The following RBFOX1 variants were observed in gnomAD, a reference collection of about 807,000 sequenced individuals.
The protein encoded by RBFOX1 is RNA binding fox-1 homolog 1.
In RBFOX1, 8 loss-of-function variants were observed where a neutral mutation model predicts 57.7. The ratio of observed to expected loss-of-function variants is 0.14; its 90% CI spans 0.08 to 0.25. RBFOX1 has a LOEUF of 0.25. Among genes scored for constraint, RBFOX1 ranks in the 10% least tolerant of loss-of-function variants. The pLI is 1.00. For missense variants in RBFOX1, 611 were observed against 548.5 expected (o/e 1.11, Z -1.14); for synonymous variants, 326 against 222.4 (o/e 1.47, Z -4.15).
intron 3 of RBFOX1, among the ~76,000 whole-genome samples, chr16:6,788,707 T>C (rs146222811): frequency 0.098 from 14,855 of 151,834 alleles, 1,346 homozygotes; most frequent in East Asian, 0.23. Context: ...TATCTCCTGA[T>C]CTCGTGATCC....
intron 3 of RBFOX1, among the ~76,000 whole-genome samples, chr16:5,688,846 A>T (rs371454011): frequency 1.3e-4 from 20 of 152,334 alleles, no homozygotes; most frequent in East Asian, 5.8e-4. Flanking sequence ...TAGAGACTCA[A>T]CGTTTGCCAG....
intron 4 of RBFOX1, among the ~76,000 whole-genome samples, chr16:7,213,063 G>T (rs1440784410): frequency 3.9e-5 from 6 of 152,166 alleles, no homozygotes; most frequent in African/African-American, 7.2e-5. Flanking sequence ...ATGAAAGCCA[G>T]AGATTGGAAT....
At chr16:5,488,728 T>A (rs533353461) in intron 2 of RBFOX1, among the ~76,000 whole-genome samples, 2 of 150,126 alleles carry the variant, frequency 1.3e-5, no homozygotes. Flanking sequence ...TGGGGTGCGA[T>A]GGTGATGATA....
chr16:5,888,916 A>G (rs2057971038), intron 4 of RBFOX1, among the ~76,000 whole-genome samples: 1 of 152,104 alleles, frequency 6.6e-6, no homozygotes, highest in African/African-American at 2.4e-5. Flanking sequence ...GTTCAGCTTC[A>G]TAAACCTTCC....
At chr16:5,822,082 T>A (rs1481071243) in intron 3 of RBFOX1, among the ~76,000 whole-genome samples, 1 of 152,238 alleles carries the variant, frequency 6.6e-6, no homozygotes, top group African/African-American at 2.4e-5. Context: ...GGTTCCATGA[T>A]TTTGCTGTTG....
Position 7,423,007 on chromosome 16 carries a change from G to T in RBFOX1, c.28-95140G>T, listed in dbSNP as rs2098557137. On this transcript the variant is annotated intron_variant, in intron 4 of 15. Coordinates refer to ENST00000550418, the MANE Select transcript of RBFOX1 (RefSeq NM_018723.4). ...CTGACACCTGGCCACCCAACCTCGT[G>T]CCGGCTGGCTTCACACCTGGGGTGA... 1.3e-5 allele frequency: 2 copies of T among 152,118 alleles called. 1 individual carries two copies. The allele number at this position is 152,118 out of a possible 1,614,324, so 9.4% of individuals were successfully genotyped here.
intron 2 of RBFOX1, among the ~76,000 whole-genome samples, chr16:6,513,050 A>C (rs1170731914): frequency 6.6e-6 from 1 of 152,184 alleles, no homozygotes. Context: ...ATAGCACATC[A>C]ATCAATATGG....
chr16:6,932,823 A>T (rs2076778441), intron 3 of RBFOX1, among the ~76,000 whole-genome samples: 1 of 152,210 alleles, frequency 6.6e-6, no homozygotes, highest in Non-Finnish European at 1.5e-5. Context: ...TTGTGTAACC[A>T]TGGCCACTGT....
chr16:6,090,218 A>G (rs932841720), intron 1 of RBFOX1: 16 of 152,154 alleles, frequency 1.1e-4, no homozygotes, highest in Non-Finnish European at 1.9e-4. Flanking sequence ...TTGTGACTAC[A>G]TTGGGCCCAC....
Position 5,856,207 on chromosome 16 carries a change from A to ATGTG in RBFOX1, c.319-11096_319-11095insTGTG, listed in dbSNP as rs1567630990. ...TCTCTCTATATATATATATATATAT[A>ATGTG]CATATATATGTATATATATATGTAT... On this transcript the variant is annotated intron_variant, in intron 3 of 19. Transcript: ENST00000641259. Among the ~76,000 whole-genome samples, 172 of 31,362 alleles carry ATGTG rather than the reference A, an allele frequency of 5.5e-3. 3 individuals are homozygous for ATGTG. Among genetic ancestry groups the ATGTG allele is most frequent in the African/African-American group, 0.02 (167 of 8,292 alleles). 20.6% of individuals were successfully genotyped at this position (31,362 alleles called of 152,430 possible). A position where few individuals can be genotyped will look rare whatever the true frequency, so the allele number is the denominator to read the frequency against.
At chr16:7,141,327 C>T (rs1320214991) in intron 4 of RBFOX1, among the ~76,000 whole-genome samples, 1 of 152,236 alleles carries the variant, frequency 6.6e-6, no homozygotes, top group African/African-American at 2.4e-5. Flanking sequence ...AGACACAGTG[C>T]TTGGTTCTGG....
chr16:7,123,230 T>C (rs923543904), intron 4 of RBFOX1, among the ~76,000 whole-genome samples: 7 of 152,230 alleles, frequency 4.6e-5, no homozygotes, highest in Non-Finnish European at 1.5e-5. Context: ...CCATAGATTA[T>C]ATGAGGATAA....
At chr16:6,135,317 T>C (rs2096658589) in intron 1 of RBFOX1, among the ~76,000 whole-genome samples, 1 of 152,256 alleles carries the variant, frequency 6.6e-6, no homozygotes, top group African/African-American at 2.4e-5. Flanking sequence ...GCATTGGCTG[T>C]ACTTTGAAAC....
At chr16:7,274,199 A>G (rs1233269048) in intron 4 of RBFOX1, among the ~76,000 whole-genome samples, 4 of 152,240 alleles carry the variant, frequency 2.6e-5, no homozygotes, top group Non-Finnish European at 5.9e-5. Context: ...TCAACAAATT[A>G]TATAAAATTA....
At chr16:7,375,823 G>C (rs780140981) in intron 4 of RBFOX1, among the ~76,000 whole-genome samples, 74 of 152,246 alleles carry the variant, frequency 4.9e-4, no homozygotes, top group Non-Finnish European at 9.8e-4. Flanking sequence ...TTGTAATTAA[G>C]ACACTAGCAA....
intron 1 of RBFOX1, among the ~76,000 whole-genome samples, chr16:5,396,690 C>G (rs2066567198): frequency 6.6e-6 from 1 of 152,094 alleles, no homozygotes; most frequent in African/African-American, 2.4e-5. Context: ...AGATTCAAGA[C>G]CCCTCCCTAC....
At chr16:5,611,776 A>G (rs1234574986) in intron 3 of RBFOX1, among the ~76,000 whole-genome samples, 2 of 63,712 alleles carry the variant, frequency 3.1e-5, no homozygotes, top group African/African-American at 9.8e-5. Context: ...TCTCCCATCC[A>G]TCCATCCATC....
intron 3 of RBFOX1, chr16:6,749,049 G>C (rs1324826510): frequency 6.6e-6 from 1 of 152,146 alleles, no homozygotes; most frequent in African/African-American, 2.4e-5. Context: ...GAGCCAATCT[G>C]GGTATTCATA....
intron 3 of RBFOX1, among the ~76,000 whole-genome samples, chr16:6,898,616 T>A (rs143247998): frequency 2.6e-4 from 39 of 152,300 alleles, no homozygotes; most frequent in African/African-American, 9.4e-4. Context: ...GGAAGTAGGT[T>A]ATTTTTAAAA....
Sources: allele counts gnomAD v4.1 joint callset (sites outside exome capture counted in the v4.1 genomes callset), GRCh38; gene constraint gnomAD v4.1.1; transcripts MANE v1.5; gene names NCBI Gene and HGNC (gene_info 2026-07-23, HGNC 2026-07-21).